Variants in PARP9 observed in about 807,000 individuals in gnomAD.
PARP9 encodes protein mono-ADP-ribosyltransferase PARP9.
A neutral mutation model predicts 68.8 loss-of-function variants in PARP9; 48 were observed. That is an observed-to-expected ratio of 0.70 (90% CI 0.55 to 0.89). The LOEUF (loss-of-function observed/expected upper bound fraction) is 0.89, where lower values mean the gene tolerates loss of function less well. Ranked by LOEUF, PARP9 falls within the 40% of genes least tolerant of loss-of-function variation. PARP9 has a pLI of 0.00. For missense variants in PARP9, 806 were observed against 969.3 expected (o/e 0.83, Z 2.24); for synonymous variants, 309 against 333.8 (o/e 0.93, Z 0.81).
chr3:122,529,362 G>A (rs570789352), intron 10 of PARP9, among the ~76,000 whole-genome samples: 1 of 150,784 alleles, frequency 6.6e-6, no homozygotes, highest in South Asian at 2.1e-4. Flanking sequence ...AAAAGACAAA[G>A]ATCTGAGATT....
chr3:122,548,407 G>A (rs950073150), intron 6 of PARP9, among the ~76,000 whole-genome samples: 1 of 152,200 alleles, frequency 6.6e-6, no homozygotes, highest in Non-Finnish European at 1.5e-5. Flanking sequence ...CCAGACACAT[G>A]CCGAGAAGTC....
In PARP9 at chr3:122,555,987, A is replaced by G. The variant is rs2079602111; in HGVS notation, c.184T>C (p.Ser62Pro). 6.2e-7 allele frequency: 1 copy of G among 1,613,970 alleles called. No homozygotes were observed. The highest frequency in any genetic ancestry group is 1.7e-5 in the Admixed American group (1 of 59,990). Residue 62 changes from serine (S) to proline (P), a missense_variant, in exon 4 of 11, where the codon TCT becomes CCT. Transcript: ENST00000682323. ...NKFGCISTLV[S>P]PVQEGNSKSL... The stretch of plus-strand genomic sequence containing the variant: ...TTGCTGTTGCCTTCCTGAACTGGAG[A>G]GACCAGGGTAGAGATACAGCCAAAC...
chr3:122,539,568 T>TCTCTCTCTCTCTCTCTCTCTCTCTCTC, intron 8 of PARP9, among the ~76,000 whole-genome samples: 2 of 123,220 alleles, frequency 1.6e-5, no homozygotes, highest in Admixed American at 1.6e-4. Context: ...TCTTTCTTTC[T>TCTCTCTCTCTCTCTCTCTCTCTCTCTC]TTTTTTTTTG....
At chr3:122,535,216 T>C (rs1390513398) in intron 10 of PARP9, 4 of 985,316 alleles carry the variant, frequency 4.1e-6, no homozygotes, top group Non-Finnish European at 4.8e-6. Context: ...ATACTGATCA[T>C]CACTTTCCTG....
At chr3:122,558,296 C>CG (rs766895455) in intron 3 of PARP9, 138 bp downstream of exon 3, 1 of 1,603,782 alleles carries the variant, frequency 6.2e-7, no homozygotes, top group South Asian at 1.1e-5. Context: ...GAAGCATGTG[C>CG]GGGGGTCCCC....
chr3:122,560,394 G>GT (rs923937334), intron 1 of PARP9, among the ~76,000 whole-genome samples: 5 of 145,936 alleles, frequency 3.4e-5, no homozygotes, highest in South Asian at 2.1e-4. Flanking sequence ...TTTTTTGTTT[G>GT]TTTTTTTGTT....
intron 10 of PARP9, among the ~76,000 whole-genome samples, chr3:122,531,427 G>T (rs2077297523): frequency 6.6e-6 from 1 of 152,214 alleles, no homozygotes; most frequent in Non-Finnish European, 1.5e-5. Flanking sequence ...GGATAAAGAT[G>T]AGAACAAAGT....
intron 1 of PARP9, among the ~76,000 whole-genome samples, chr3:122,563,083 CCT>C (rs1233275202): frequency 2.6e-5 from 4 of 152,184 alleles, no homozygotes; most frequent in African/African-American, 9.7e-5. Context: ...TTATCTCAGG[CCT>C]CTCTGCCGCC....
intron 8 of PARP9, among the ~76,000 whole-genome samples, chr3:122,538,498 A>C (rs1443873315): frequency 6.6e-6 from 1 of 152,240 alleles, no homozygotes; most frequent in Non-Finnish European, 1.5e-5. Flanking sequence ...AAGACAGGGC[A>C]GGTTTGCCTG....
intron 2 of PARP9, 110 bp downstream of exon 2, chr3:122,559,496 C>T (rs965215348): frequency 9.4e-7 from 1 of 1,058,930 alleles, no homozygotes; most frequent in Non-Finnish European, 1.3e-6. Context: ...CTATTAAAAG[C>T]AGATGAGGAT....
intron 10 of PARP9, chr3:122,532,506 GA>G: frequency 1.2e-6 from 1 of 856,956 alleles, no homozygotes; most frequent in Non-Finnish European, 1.4e-6. Flanking sequence ...AGTTCACCTT[GA>G]ACTGTCAAGA....
intron 10 of PARP9, chr3:122,535,843 C>CAAAAAAAAAA (rs10716375): frequency 1.2e-6 from 1 of 846,202 alleles, no homozygotes; most frequent in Non-Finnish European, 1.4e-6. Flanking sequence ...ATAAGTAAGG[C>CAAAAAAAAAA]AAAAAAAAAA....
intron 3 of PARP9, among the ~76,000 whole-genome samples, chr3:122,556,860 A>C (rs980098147): frequency 1.4e-4 from 22 of 152,102 alleles, no homozygotes; most frequent in Admixed American, 1.4e-3. Context: ...TGTGTTGCTC[A>C]GGCTGCAGTG....
At chr3:122,542,257 C>CTTTTTTTTTTTTTT (rs1175844599) in intron 7 of PARP9, among the ~76,000 whole-genome samples, 1 of 104,044 alleles carries the variant, frequency 9.6e-6, no homozygotes, top group Non-Finnish European at 1.9e-5. Context: ...TCTACTACTA[C>CTTTTTTTTTTTTTT]TTTTTTTTTT....
At chr3:122,564,683 G>A (rs1209676037), upstream of PARP9, 8 of 1,534,624 alleles carry the variant, frequency 5.2e-6, no homozygotes, top group Non-Finnish European at 7.0e-6. Flanking sequence ...GGCGGACCCA[G>A]TTCCAGCTGA....
chr3:122,554,599 C>A (rs181041097), intron 4 of PARP9, among the ~76,000 whole-genome samples: 1 of 152,154 alleles, frequency 6.6e-6, no homozygotes, highest in East Asian at 1.9e-4. Flanking sequence ...GATATAAATG[C>A]TATTATTATC....
chr3:122,561,896 C>T (rs998144906), intron 1 of PARP9, among the ~76,000 whole-genome samples: 1 of 152,144 alleles, frequency 6.6e-6, no homozygotes, highest in Non-Finnish European at 1.5e-5. Flanking sequence ...CAAAAGTAGA[C>T]CTCTTATCTC....
rs148992327 is a variant in PARP9 at position 122,555,436 on chromosome 3, A to T, written c.735T>A (p.Asn245Lys). Residue 245 changes from asparagine (N) to lysine (K), a missense_variant, in exon 4 of 11, where the codon AAT (asparagine) becomes AAA (lysine). This residue lies in a region of PARP9 where 680 missense variants were observed against 858.8 expected (regional missense o/e 0.79). Transcript: ENST00000682323. Reference sequence around the variant, plus strand: ...TAAAGGCAGCAACAGTAGGGTCCTCATTGCTCACCAGGTGAATTTCTTTCA... The same window carrying T: ...TAAAGGCAGCAACAGTAGGGTCCTCTTTGCTCACCAGGTGAATTTCTTTCA... ...SNLKEIHLVSNEDPTVAAFKA... is the reference protein window; with the variant it reads ...SNLKEIHLVSKEDPTVAAFKA... 1 of 1,614,056 alleles carries T rather than the reference A, an allele frequency of 6.2e-7. No homozygotes were observed. Among genetic ancestry groups the T allele is most frequent in the East Asian group, 2.2e-5 (1 of 44,870 alleles).
At chr3:122,548,157 C>T (rs573729236) in intron 6 of PARP9, among the ~76,000 whole-genome samples, 8 of 152,322 alleles carry the variant, frequency 5.3e-5, no homozygotes, top group Non-Finnish European at 8.8e-5. Context: ...CCACAGAAAT[C>T]AGCAAATGCT....
Sources: gnomAD v4.1 joint callset for allele counts (sites outside exome capture counted in the v4.1 genomes callset) on GRCh38, gnomAD v4.1.1 for gene constraint, gnomAD v4.1.1 regional missense constraint, MANE v1.5 for transcripts, NCBI Gene and HGNC (gene_info 2026-07-23, HGNC 2026-07-21) for gene names.